Variants in GPR176 observed in about 807,000 individuals in gnomAD.
GPR176 encodes the protein G protein-coupled receptor 176, also known as G-protein coupled receptor 176.
A neutral mutation model predicts 35.4 loss-of-function variants in GPR176; 26 were observed. The ratio of observed to expected loss-of-function variants is 0.74; its 90% confidence interval spans 0.54 to 1.02. The LOEUF is 1.02. GPR176 is among the 50% of genes least tolerant of loss of function. The probability of loss-of-function intolerance (pLI) is 0.00; values close to 1 mark genes in which losing one functional copy is unlikely to be tolerated. For synonymous variants in GPR176, 278 were observed against 271.3 expected, an observed-to-expected ratio of 1.02 and a Z score of -0.24; for missense variants, 597 against 665.3, an observed-to-expected ratio of 0.90 and a Z score of 1.13.
At chr15:39,862,246 C>T (rs1010970202) in intron 1 of GPR176, 1 of 152,080 alleles carries the variant, frequency 6.6e-6, no homozygotes, top group Non-Finnish European at 1.5e-5. Context: ...ATGTGTATTA[C>T]GAGTAATTTT....
At chr15:39,833,486 G>C (rs1901219773) in intron 1 of GPR176, among the ~76,000 whole-genome samples, 1 of 152,118 alleles carries the variant, frequency 6.6e-6, no homozygotes, top group Non-Finnish European at 1.5e-5. Context: ...TGATTGCTTA[G>C]GGCTGAGGGC....
rs192934536 is a variant in GPR176 at position 39,821,696 on chromosome 15, T to A, written c.173-14438A>T. ...ACACCAAATAGATTTTATATACTCATATGGATGGAAGGAACCTGGAAAAGT... is the reference window on the plus strand; with the variant it reads ...ACACCAAATAGATTTTATATACTCAAATGGATGGAAGGAACCTGGAAAAGT... On this transcript the variant is annotated intron_variant, in intron 1 of 2. Coordinates refer to ENST00000561100, the MANE Select transcript of GPR176 (RefSeq NM_007223.3). 9.8e-5 allele frequency among the ~76,000 whole-genome samples: 15 copies of A among 152,328 alleles called. No homozygotes were observed. The East Asian group carries it at 2.1e-3, about 22-fold the overall frequency.
At chr15:39,867,960 A>G (rs138100967) in intron 1 of GPR176, among the ~76,000 whole-genome samples, 100 of 152,244 alleles carry the variant, frequency 6.6e-4, no homozygotes, top group African/African-American at 2.4e-3. Flanking sequence ...TTCAATGTTT[A>G]TATTATTACC....
chr15:39,828,878 C>T (rs908559896), intron 1 of GPR176, among the ~76,000 whole-genome samples: 2 of 152,112 alleles, frequency 1.3e-5, no homozygotes, highest in African/African-American at 2.4e-5. Flanking sequence ...GTATGTGGAA[C>T]GGTATGTCCA....
At position 39,863,061 on chromosome 15, in the gene GPR176, T is replaced by TTA. The variant is rs543715340; in HGVS notation, c.173-55804_173-55803insTA. ...TGTGTGTTTATGTCTTAGTTTTTCT[T>TTA]TTTTTTTTTTTTCTTTTTTTGAGAC... On this transcript the variant is annotated intron_variant, in intron 1 of 2. Transcript: ENST00000561100. Among the ~76,000 whole-genome samples the TTA allele has an allele frequency of 6.6e-4, 98 of 149,022 alleles. 1 individual carries two copies. The highest frequency in any genetic ancestry group is 5.3e-3 in the South Asian group (25 of 4,754).
intron 1 of GPR176, among the ~76,000 whole-genome samples, chr15:39,854,121 C>G (rs1258564471): frequency 6.6e-6 from 1 of 152,018 alleles, no homozygotes; most frequent in African/African-American, 2.4e-5. Flanking sequence ...AAGTCTGATG[C>G]TTCTGACTAA....
chr15:39,820,387 G>A (rs1900194260), intron 1 of GPR176, among the ~76,000 whole-genome samples: 1 of 152,138 alleles, frequency 6.6e-6, no homozygotes, highest in Non-Finnish European at 1.5e-5. Context: ...CAGGCCATGA[G>A]AGCCAGCCAG....
chr15:39,886,087 G>T (rs939173704), intron 1 of GPR176, among the ~76,000 whole-genome samples: 1 of 152,110 alleles, frequency 6.6e-6, no homozygotes. Flanking sequence ...TACAAAATTA[G>T]CCAGGCATGG....
At chr15:39,838,970 G>T in intron 1 of GPR176, among the ~76,000 whole-genome samples, 1 of 152,126 alleles carries the variant, frequency 6.6e-6, no homozygotes, top group East Asian at 1.9e-4. Flanking sequence ...AAGCTGATAA[G>T]CAACTTCAGC....
intron 1 of GPR176, among the ~76,000 whole-genome samples, chr15:39,812,401 T>C (rs975016201): frequency 6.6e-6 from 1 of 152,214 alleles, no homozygotes; most frequent in African/African-American, 2.4e-5. Context: ...GGCCTCCATC[T>C]TTCTCCCGTG....
chr15:39,847,499 A>T (rs2030518307), intron 1 of GPR176, among the ~76,000 whole-genome samples: 1 of 152,160 alleles, frequency 6.6e-6, no homozygotes, highest in Non-Finnish European at 1.5e-5. Flanking sequence ...TAATCCCAGC[A>T]CTTTGGGAGG....
chr15:39,873,269 AG>A (rs200362960), intron 1 of GPR176, among the ~76,000 whole-genome samples: 2,916 of 152,292 alleles, frequency 0.019, 31 homozygotes, highest in South Asian at 0.041. Context: ...AGTGGGTGGA[AG>A]GAACAGGTTC....
intron 1 of GPR176, chr15:39,815,420 G>C (rs935276277): frequency 2.0e-5 from 3 of 152,236 alleles, no homozygotes; most frequent in Non-Finnish European, 2.9e-5. Context: ...CATGAAGTTT[G>C]GGCAACTGTG....
chr15:39,842,417 A>G lies in GPR176; in HGVS notation c.173-35159T>C, dbSNP rs377040794. On this transcript the variant is annotated intron_variant, in intron 1 of 2. Transcript: ENST00000561100. Reference sequence around the variant, plus strand: ...CACCCCATGATCCAATCACCTCCCAACAGGCCCCTCCTCCAACACTGGGAT... The same window carrying G: ...CACCCCATGATCCAATCACCTCCCAGCAGGCCCCTCCTCCAACACTGGGAT... Among the ~76,000 whole-genome samples, 5 of 152,192 alleles carry G rather than the reference A, an allele frequency of 3.3e-5. 1 individual carries two copies. The highest frequency in any genetic ancestry group is 1.9e-4 in the East Asian group (1 of 5,172).
intron 1 of GPR176, among the ~76,000 whole-genome samples, chr15:39,905,994 C>T (rs1384624614): frequency 6.6e-6 from 1 of 152,148 alleles, no homozygotes; most frequent in Non-Finnish European, 1.5e-5. Context: ...AGGATACAGG[C>T]ATCTCTCTGT....
intron 1 of GPR176, among the ~76,000 whole-genome samples, chr15:39,875,707 T>C (rs915793939): frequency 2.0e-5 from 3 of 152,202 alleles, no homozygotes; most frequent in African/African-American, 7.2e-5. Context: ...CCTTACCTAA[T>C]GGGTATGTTG....
chr15:39,846,206 A>T (rs1309896007), intron 1 of GPR176, among the ~76,000 whole-genome samples: 1 of 152,232 alleles, frequency 6.6e-6, no homozygotes, highest in Admixed American at 6.5e-5. Flanking sequence ...GAAAGTAGAG[A>T]TGAAACCACC....
chr15:39,912,493 C>T (rs1229216321), intron 1 of GPR176, among the ~76,000 whole-genome samples: 1 of 151,796 alleles, frequency 6.6e-6, no homozygotes, highest in East Asian at 1.9e-4. Flanking sequence ...GTGGCATGCG[C>T]CTGTAGTCCC....
intron 1 of GPR176, among the ~76,000 whole-genome samples, chr15:39,899,299 C>T (rs2033207039): frequency 6.6e-6 from 1 of 152,194 alleles, no homozygotes; most frequent in Admixed American, 6.5e-5. Flanking sequence ...TTTCAGCTTC[C>T]AGTTCAAGGG....
Sources: gnomAD v4.1 joint callset for allele counts (sites outside exome capture counted in the v4.1 genomes callset) on GRCh38, gnomAD v4.1.1 for gene constraint, MANE v1.5 for transcripts, NCBI Gene and HGNC (gene_info 2026-07-23, HGNC 2026-07-21) for gene names.